TXLNB: variants seen among roughly 807,000 people sequenced by gnomAD.
TXLNB encodes the protein taxilin beta.
Under a neutral mutation model 57.4 loss-of-function variants are expected in TXLNB, and 37 were observed. The ratio of observed to expected loss-of-function variants is 0.64; its 90% CI spans 0.50 to 0.85. The LOEUF (loss-of-function observed/expected upper bound fraction) is 0.85. TXLNB is among the 40% of genes least tolerant of loss of function. The pLI is 0.00. For missense variants in TXLNB, 848 were observed against 825.6 expected, an observed-to-expected ratio of 1.03 and a Z score of -0.33; for synonymous variants, 302 against 309.6, an observed-to-expected ratio of 0.98 and a Z score of 0.26.
the TXLNB span, among the ~76,000 whole-genome samples, chr6:139,171,823 T>C: frequency 2.0e-5 from 3 of 151,556 alleles, no homozygotes; most frequent in Non-Finnish European, 4.4e-5. Context: ...TTGTTGTTGT[T>C]GTTTGTTGTT....
chr6:139,225,913 A>G, the TXLNB span, among the ~76,000 whole-genome samples: 2 of 152,214 alleles, frequency 1.3e-5, no homozygotes, highest in Non-Finnish European at 2.9e-5. Context: ...ATTATCAGCT[A>G]TAAAGATTTA....
chr6:139,178,249 CAT>C, the TXLNB span: 1 of 152,140 alleles, frequency 6.6e-6, no homozygotes, highest in African/African-American at 2.4e-5. Context: ...AAAGGATGAT[CAT>C]ATATATAGAA....
the TXLNB span, among the ~76,000 whole-genome samples, chr6:139,171,809 CTTG>C: frequency 4.0e-4 from 61 of 151,258 alleles, 1 homozygote; most frequent in Non-Finnish European, 4.6e-4. Flanking sequence ...TTTGTTTAAA[CTTG>C]TTGTTGTTGT....
At chr6:139,264,728 T>A (rs1240400790) in intron 4 of TXLNB, among the ~76,000 whole-genome samples, 1 of 151,998 alleles carries the variant, frequency 6.6e-6, no homozygotes, top group Non-Finnish European at 1.5e-5. Flanking sequence ...CTCAGCTAAT[T>A]TTTTTATTTT....
the TXLNB span, chr6:139,182,978 A>G: frequency 1.3e-5 from 2 of 152,352 alleles, no homozygotes; most frequent in South Asian, 4.1e-4. Context: ...AGATATCTAA[A>G]TCAAGCATAG....
At chr6:139,245,973 A>G (rs1408359119) in intron 8 of TXLNB, among the ~76,000 whole-genome samples, 8 of 152,214 alleles carry the variant, frequency 5.3e-5, no homozygotes, top group Admixed American at 6.5e-5. Context: ...GATTGCAGGC[A>G]TGAGCCACTG....
chr6:139,202,116 A>G, the TXLNB span, among the ~76,000 whole-genome samples: 1 of 152,232 alleles, frequency 6.6e-6, no homozygotes, highest in African/African-American at 2.4e-5. Context: ...AGTACAGTTC[A>G]GAAACCTGTC....
intron 3 of TXLNB, among the ~76,000 whole-genome samples, chr6:139,275,543 A>G (rs1776874795): frequency 6.6e-6 from 1 of 152,230 alleles, no homozygotes; most frequent in East Asian, 1.9e-4. Flanking sequence ...GTGTGTCTAA[A>G]AAATAATTTA....
At chr6:139,257,361 G>A (rs1776371081) in intron 6 of TXLNB, among the ~76,000 whole-genome samples, 1 of 152,118 alleles carries the variant, frequency 6.6e-6, no homozygotes, top group African/African-American at 2.4e-5. Context: ...GTCTTTCAAA[G>A]CACTAAGCAT....
chr6:139,316,965 T>A, the TXLNB span, among the ~76,000 whole-genome samples: 1 of 152,324 alleles, frequency 6.6e-6, no homozygotes, highest in East Asian at 1.9e-4. Flanking sequence ...GAAAAGGGAA[T>A]TGCAGAAAAG....
chr6:139,275,299 C>A (rs549832236), intron 3 of TXLNB, among the ~76,000 whole-genome samples: 56 of 152,250 alleles, frequency 3.7e-4, no homozygotes, highest in African/African-American at 1.3e-3. Flanking sequence ...TATGACACAA[C>A]TTTTACAAAA....
At chr6:139,168,630 T>C in the TXLNB span, among the ~76,000 whole-genome samples, 1 of 152,068 alleles carries the variant, frequency 6.6e-6, no homozygotes, top group Non-Finnish European at 1.5e-5. Context: ...TAGCTGTCCT[T>C]CTAGGAATGC....
At chr6:139,270,070 A>T (rs1776718336) in intron 4 of TXLNB, among the ~76,000 whole-genome samples, 1 of 152,128 alleles carries the variant, frequency 6.6e-6, no homozygotes, top group Non-Finnish European at 1.5e-5. Flanking sequence ...AACACCAAAA[A>T]TGCTGAATCT....
chr6:139,294,095 T>C (rs1314209839), upstream of TXLNB, among the ~76,000 whole-genome samples: 1 of 152,234 alleles, frequency 6.6e-6, no homozygotes, highest in Non-Finnish European at 1.5e-5. Flanking sequence ...ATAGGATAAA[T>C]TCCTTATGCT....
the TXLNB span, among the ~76,000 whole-genome samples, chr6:139,207,031 G>A: frequency 1.3e-5 from 2 of 152,114 alleles, no homozygotes; most frequent in East Asian, 1.9e-4. Context: ...CAAAATAATA[G>A]TGCGGGACTT....
chr6:139,176,555 A>T, the TXLNB span, among the ~76,000 whole-genome samples: 3 of 152,168 alleles, frequency 2.0e-5, no homozygotes, highest in African/African-American at 7.2e-5. The surrounding 1 kb of genome is among the most constrained non-coding windows in gnomAD (Gnocchi z 4.5). Flanking sequence ...TTTTACATCA[A>T]AGAAAACGCA....
At chr6:139,284,973 T>C (rs1777138239) in intron 2 of TXLNB, among the ~76,000 whole-genome samples, 1 of 145,450 alleles carries the variant, frequency 6.9e-6, no homozygotes, top group Admixed American at 6.8e-5. Flanking sequence ...CTAATGATGA[T>C]GAGTGGGAAG....
At position 139,242,565 on chromosome 6, in the gene TXLNB, C is replaced by T. The variant is rs1310844778; in HGVS notation, c.2016G>A (p.Pro672=). 1.4e-5 allele frequency: 21 copies of T among 1,516,158 alleles called. 1 individual carries two copies. Among genetic ancestry groups the T allele is most frequent in the East Asian group, 4.6e-5 (2 of 43,490 alleles). The allele number at this position is 1,516,158 out of a possible 1,614,324, so 93.9% of individuals were successfully genotyped here. Reference sequence around the variant, plus strand: ...CCAGATTGGTGTCAGCCACGTTGCGCGGCTGGGGCCCAGCTGAGGCCCCTA... The same window carrying T: ...CCAGATTGGTGTCAGCCACGTTGCGTGGCTGGGGCCCAGCTGAGGCCCCTA... ...LPVGASAGPQ[P]RNVADTNLEG... Residue 672 remains proline (P), a synonymous_variant, in exon 10 of 10, where the codon CCG becomes CCA. Coordinates refer to ENST00000358430, the MANE Select transcript of TXLNB (RefSeq NM_153235.4).
At chr6:139,281,891 T>C (rs1209932431) in intron 2 of TXLNB, among the ~76,000 whole-genome samples, 3 of 139,236 alleles carry the variant, frequency 2.2e-5, no homozygotes, top group Non-Finnish European at 4.6e-5. Flanking sequence ...GTATACACTA[T>C]TACCAATAAC....
Sources: gnomAD v4.1 joint callset for allele counts (sites outside exome capture counted in the v4.1 genomes callset) on GRCh38, gnomAD v4.1.1 for gene constraint, Gnocchi (gnomAD v3.1) non-coding constraint, MANE v1.5 for transcripts, NCBI Gene and HGNC (gene_info 2026-07-23, HGNC 2026-07-21) for gene names.